VAMP4: variants seen among roughly 807,000 people sequenced by gnomAD.
VAMP4 encodes vesicle-associated membrane protein 4.
In VAMP4, 19 loss-of-function variants were observed where a neutral mutation model predicts 23.5. The ratio of observed to expected loss-of-function variants is 0.81; its 90% CI spans 0.56 to 1.19. The LOEUF (loss-of-function observed/expected upper bound fraction) is 1.19. Ranked by LOEUF, VAMP4 falls within the 50% of genes most tolerant of loss-of-function variation. VAMP4 has a pLI of 0.00. For missense variants in VAMP4, 145 were observed against 168.6 expected, an observed-to-expected ratio of 0.86 and a Z score of 0.78; for synonymous variants, 31 against 51.0, an observed-to-expected ratio of 0.61 and a Z score of 1.67.
At chr1:171,739,901 T>C (rs889636341) in intron 1 of VAMP4, among the ~76,000 whole-genome samples, 2 of 152,238 alleles carry the variant, frequency 1.3e-5, no homozygotes, top group African/African-American at 4.8e-5. Context: ...GTATGCAACA[T>C]ACTAAAATTT....
At chr1:171,738,200 G>C in intron 2 of VAMP4, 149 bp downstream of exon 2, 6 of 794,108 alleles carry the variant, frequency 7.6e-6, no homozygotes, top group South Asian at 1.9e-5. Flanking sequence ...TTGAACTTCT[G>C]GGCTCAAGCT....
At chr1:171,728,432 G>A in intron 3 of VAMP4, 92 bp downstream of exon 3, 5 of 1,072,058 alleles carry the variant, frequency 4.7e-6, no homozygotes, top group Non-Finnish European at 6.6e-6. Context: ...GGAGACTACT[G>A]CATATCTGTC....
In VAMP4 at chr1:171,706,367, T is replaced by C. The variant is rs759741968; in HGVS notation, c.397A>G (p.Ile133Val). ...VAAILLLVII[I>V]LIVMKYRT is the part of the protein sequence containing the mutation. The stretch of plus-strand genomic sequence containing the variant: ...AAGTAATAATCCAATAAATACTTAC[T>C]GATAATCACTAGCAAAAGGATAGCA... Residue 133 changes from isoleucine (I) to valine (V), a missense_variant and splice_region_variant, in exon 7 of 8, where the codon ATT (isoleucine) becomes GTT (valine). Physicochemically the swap from Ile to Val is conservative, Grantham distance 29. Coordinates refer to ENST00000236192, the MANE Select transcript of VAMP4 (RefSeq NM_003762.5). 1.2e-6 allele frequency: 2 copies of C among 1,608,368 alleles called. No homozygotes were observed. Among genetic ancestry groups the C allele is most frequent in the Non-Finnish European group, 1.7e-6 (2 of 1,177,354 alleles).
intron 2 of VAMP4, among the ~76,000 whole-genome samples, chr1:171,735,121 C>G (rs1269297780): frequency 6.6e-6 from 1 of 152,090 alleles, no homozygotes; most frequent in Non-Finnish European, 1.5e-5. Flanking sequence ...CACGCCTGGA[C>G]TTGATTTTTA....
At chr1:171,731,341 C>T (rs1009750175) in intron 2 of VAMP4, among the ~76,000 whole-genome samples, 1 of 152,066 alleles carries the variant, frequency 6.6e-6, no homozygotes, top group Non-Finnish European at 1.5e-5. Context: ...GGGTGCAGCA[C>T]ACCAACATGG....
At chr1:171,719,103 C>G in intron 4 of VAMP4, 68 bp downstream of exon 4, 7 of 1,428,898 alleles carry the variant, frequency 4.9e-6, no homozygotes, top group Non-Finnish European at 6.8e-6. Context: ...GGCTCACAGG[C>G]TGCAGTTTGC....
chr1:171,728,969 A>T (rs570543929), intron 2 of VAMP4, among the ~76,000 whole-genome samples: 30 of 152,204 alleles, frequency 2.0e-4, no homozygotes, highest in Non-Finnish European at 2.8e-4. Flanking sequence ...GCAGCATCAG[A>T]GAAGAGTATA....
chr1:171,710,705 G>T lies in VAMP4; in HGVS notation c.265+9C>A, dbSNP rs780882568. The T allele has an allele frequency of 4.4e-6, 7 of 1,573,348 alleles. 1 individual carries two copies. In the Admixed American group the frequency reaches 7.2e-5, roughly 16 times the overall value. The stretch of plus-strand genomic sequence containing the variant: ...TTAGTAATATCAAGAAATACATGAA[G>T]ATCTGTACCTGATTTGTCCTGTAGT... On this transcript the variant is annotated intron_variant, in intron 5 of 7. Transcript: ENST00000236192.
In VAMP4 at chr1:171,729,816, C is replaced by T. The variant is rs138699940; in HGVS notation, c.67-1246G>A. ...CTGGGACTACAGGCGCATGCCACCA[C>T]ACCTGGCTAATACAGTCACCAAAAC... On this transcript the variant is annotated intron_variant, in intron 2 of 7. Transcript: ENST00000236192. Among the ~76,000 whole-genome samples, 579 of 152,304 alleles carry T rather than the reference C, an allele frequency of 3.8e-3. 3 individuals are homozygous for T. Among genetic ancestry groups the T allele is most frequent in the African/African-American group, 0.013 (529 of 41,568 alleles).
intron 4 of VAMP4, among the ~76,000 whole-genome samples, chr1:171,713,593 G>T (rs1220953912): frequency 2.0e-5 from 3 of 152,112 alleles, no homozygotes; most frequent in Non-Finnish European, 4.4e-5. Flanking sequence ...AACACTTTGG[G>T]AGGCCAAGGT....
chr1:171,728,105 T>C (rs1317252703), intron 3 of VAMP4, among the ~76,000 whole-genome samples: 1 of 152,202 alleles, frequency 6.6e-6, no homozygotes, highest in Non-Finnish European at 1.5e-5. Context: ...AATGGAAAAT[T>C]CCAGAAATAA....
chr1:171,733,773 T>C (rs1188174751), intron 2 of VAMP4, among the ~76,000 whole-genome samples: 1 of 152,162 alleles, frequency 6.6e-6, no homozygotes, highest in East Asian at 1.9e-4. Context: ...AGCTGGGCAG[T>C]TCTTCAGAAG....
chr1:171,719,906 C>G, intron 3 of VAMP4, among the ~76,000 whole-genome samples: 1 of 151,406 alleles, frequency 6.6e-6, no homozygotes, highest in East Asian at 1.9e-4. Context: ...ATGATTCTTC[C>G]GGAGATACAG....
intron 1 of VAMP4, among the ~76,000 whole-genome samples, chr1:171,740,315 G>A (rs545965910): frequency 6.6e-5 from 10 of 152,322 alleles, no homozygotes; most frequent in South Asian, 2.1e-4. Flanking sequence ...TCCATAAGAA[G>A]AAACACTTAG....
intron 1 of VAMP4, among the ~76,000 whole-genome samples, chr1:171,738,755 C>T (rs950031295): frequency 3.3e-5 from 5 of 152,188 alleles, no homozygotes; most frequent in Admixed American, 6.5e-5. Flanking sequence ...AGAGGGAGGA[C>T]GTCTCACTGA....
Position 171,702,600 on chromosome 1 carries a change from T to TC in VAMP4, c.*1905dup, listed in dbSNP as rs1391545257. ...AAAATTAACCACTTATGAGCCTAGTTCCAATTCAAATAAAGGACATACATA... is the reference window on the plus strand; with the variant it reads ...AAAATTAACCACTTATGAGCCTAGTTCCCAATTCAAATAAAGGACATACATA... On this transcript the variant is annotated 3_prime_UTR_variant, in exon 8 of 8. Transcript: ENST00000236192. 1 of 151,970 alleles carries TC rather than the reference T, an allele frequency of 6.6e-6. No homozygotes were observed. Among genetic ancestry groups the TC allele is most frequent in the African/African-American group, 2.4e-5 (1 of 41,438 alleles). 9.4% of individuals were successfully genotyped at this position (151,970 alleles called of 1,614,324 possible).
intron 4 of VAMP4, among the ~76,000 whole-genome samples, chr1:171,718,230 T>C (rs1224670316): frequency 6.6e-6 from 1 of 152,196 alleles, no homozygotes; most frequent in Non-Finnish European, 1.5e-5. Context: ...ATGGAAATAT[T>C]TCTTCACACC....
At chr1:171,708,542 T>G (rs1411101440) in intron 6 of VAMP4, among the ~76,000 whole-genome samples, 1 of 151,728 alleles carries the variant, frequency 6.6e-6, no homozygotes, top group Non-Finnish European at 1.5e-5. Flanking sequence ...GAAAAAATCC[T>G]CAGCATATGG....
chr1:171,714,230 T>C (rs1654954963), intron 4 of VAMP4, among the ~76,000 whole-genome samples: 1 of 152,172 alleles, frequency 6.6e-6, no homozygotes, highest in Non-Finnish European at 1.5e-5. Flanking sequence ...GATAGTTTGG[T>C]TTACAAAGCA....
Sources: allele counts gnomAD v4.1 joint callset (sites outside exome capture counted in the v4.1 genomes callset), GRCh38; gene constraint gnomAD v4.1.1; transcripts MANE v1.5; gene names NCBI Gene and HGNC (gene_info 2026-07-23, HGNC 2026-07-21).